ANO2: variants seen among roughly 807,000 people sequenced by gnomAD.
ANO2 encodes anoctamin-2.
A neutral mutation model predicts 124.2 loss-of-function variants in ANO2; 101 were observed. The ratio of observed to expected loss-of-function variants is 0.81; its 90% CI spans 0.69 to 0.96. The LOEUF is 0.96. Among genes scored for constraint, ANO2 ranks in the 40% least tolerant of loss-of-function variants. The probability of loss-of-function intolerance (pLI) is 0.00; values close to 1 mark genes in which losing one functional copy is unlikely to be tolerated. For synonymous variants in ANO2, 486 were observed against 482.5 expected (o/e 1.01, Z -0.09); for missense variants, 1,293 against 1,274.5 (o/e 1.01, Z -0.22).
intron 3 of ANO2, among the ~76,000 whole-genome samples, chr12:5,909,851 A>G (rs1264446884): frequency 6.6e-6 from 1 of 152,206 alleles, no homozygotes; most frequent in Non-Finnish European, 1.5e-5. Flanking sequence ...GCTTTGGGGA[A>G]TATGTTCAAG....
chr12:5,729,642 C>A (rs1291776379), intron 14 of ANO2, among the ~76,000 whole-genome samples: 1 of 151,252 alleles, frequency 6.6e-6, no homozygotes, highest in Non-Finnish European at 1.5e-5. Context: ...TATGACCCAG[C>A]AATTCTACTC....
At chr12:5,917,619 G>A (rs1035219360) in intron 3 of ANO2, among the ~76,000 whole-genome samples, 24 of 145,814 alleles carry the variant, frequency 1.6e-4, no homozygotes, top group African/African-American at 6.1e-4. Context: ...CCAGGCTGGA[G>A]TGTAGTGGTG....
At chr12:5,576,922 A>T (rs1161401330) in intron 22 of ANO2, among the ~76,000 whole-genome samples, 1 of 152,216 alleles carries the variant, frequency 6.6e-6, no homozygotes, top group Admixed American at 6.5e-5. Flanking sequence ...TCCTTTCATC[A>T]TGCCATTTAA....
intron 15 of ANO2, among the ~76,000 whole-genome samples, chr12:5,644,078 C>A (rs1470066707): frequency 6.6e-6 from 1 of 152,080 alleles, no homozygotes; most frequent in East Asian, 1.9e-4. Flanking sequence ...TTGTATCTTG[C>A]TCAAGAAATT....
At chr12:5,720,358 T>C (rs956927600) in intron 14 of ANO2, among the ~76,000 whole-genome samples, 6 of 152,222 alleles carry the variant, frequency 3.9e-5, no homozygotes, top group Non-Finnish European at 8.8e-5. Flanking sequence ...CACTTTTGAG[T>C]TTCTGGCACA....
At chr12:5,935,938 T>C (rs11063929) in intron 1 of ANO2, among the ~76,000 whole-genome samples, 14,840 of 152,212 alleles carry the variant, frequency 0.097, 1,158 homozygotes, top group African/African-American at 0.21. Flanking sequence ...CTTGAAATAT[T>C]AGAAGAAAGA....
intron 19 of ANO2, 91 bp from the exon 20 acceptor site, chr12:5,599,720 G>T: frequency 7.2e-7 from 1 of 1,398,084 alleles, no homozygotes; most frequent in South Asian, 1.3e-5. Context: ...CAAAAGTTTT[G>T]ACACTAAAGC....
intron 3 of ANO2, among the ~76,000 whole-genome samples, chr12:5,890,383 A>G (rs1199603273): frequency 1.3e-5 from 2 of 152,220 alleles, no homozygotes; most frequent in African/African-American, 2.4e-5. Flanking sequence ...AGCTCAGAGC[A>G]GAGGTTCACA....
At chr12:5,798,109 C>G (rs765492497) in intron 10 of ANO2, among the ~76,000 whole-genome samples, 1 of 152,070 alleles carries the variant, frequency 6.6e-6, no homozygotes, top group Non-Finnish European at 1.5e-5. Context: ...AAACAGGCGA[C>G]AGAGTGGGTG....
intron 2 of ANO2, 46 bp from the exon 3 acceptor site, chr12:5,921,412 G>T (rs2136303166): frequency 1.3e-6 from 2 of 1,571,066 alleles, no homozygotes; most frequent in Non-Finnish European, 8.7e-7. Flanking sequence ...GGTGAGTAAG[G>T]GGTGAGAAAC....
intron 19 of ANO2, among the ~76,000 whole-genome samples, chr12:5,607,535 C>T (rs1390960870): frequency 2.0e-5 from 3 of 152,024 alleles, no homozygotes; most frequent in Non-Finnish European, 4.4e-5. Context: ...GGCCAGGGAT[C>T]CCCAATCCCT....
chr12:5,941,878 A>G (rs11063946), intron 1 of ANO2, among the ~76,000 whole-genome samples: 51,667 of 152,044 alleles, frequency 0.34, 11,014 homozygotes, highest in East Asian at 0.79. Context: ...CTGGGGGTGG[A>G]AAAAAAGCTA....
chr12:5,704,456 C>G (rs1197847276), intron 14 of ANO2, among the ~76,000 whole-genome samples: 1 of 152,092 alleles, frequency 6.6e-6, no homozygotes, highest in Non-Finnish European at 1.5e-5. Flanking sequence ...TATAACAATC[C>G]TGTCATTGGA....
At chr12:5,649,620 G>A (rs1414924564) in intron 14 of ANO2, among the ~76,000 whole-genome samples, 2 of 151,856 alleles carry the variant, frequency 1.3e-5, no homozygotes, top group Non-Finnish European at 2.9e-5. Flanking sequence ...TTTTTGGGGG[G>A]TGGGGATGGA....
intron 14 of ANO2, among the ~76,000 whole-genome samples, chr12:5,650,015 G>A (rs911365045): frequency 6.6e-6 from 1 of 152,114 alleles, no homozygotes; most frequent in South Asian, 2.1e-4. Context: ...ATGGGCTGAC[G>A]AATGATAACA....
intron 14 of ANO2, among the ~76,000 whole-genome samples, chr12:5,653,911 C>T (rs953638853): frequency 6.6e-6 from 1 of 152,124 alleles, no homozygotes; most frequent in Non-Finnish European, 1.5e-5. Flanking sequence ...CCAGAGAAAG[C>T]ACCATATGCA....
chr12:5,594,129 G>C (rs1943542071), intron 20 of ANO2, among the ~76,000 whole-genome samples: 1 of 152,096 alleles, frequency 6.6e-6, no homozygotes, highest in African/African-American at 2.4e-5. Context: ...AGCCAATCCA[G>C]CTTGAAAAAC....
chr12:5,823,871 T>C (rs1953879639), intron 7 of ANO2, among the ~76,000 whole-genome samples: 1 of 152,124 alleles, frequency 6.6e-6, no homozygotes, highest in East Asian at 1.9e-4. Context: ...TAGGCAGAGG[T>C]TCCCAAACCT....
chr12:5,897,343 A>G (rs890203279), intron 3 of ANO2, among the ~76,000 whole-genome samples: 1 of 152,160 alleles, frequency 6.6e-6, no homozygotes, highest in African/African-American at 2.4e-5. Flanking sequence ...AAAAAAAGAA[A>G]AAAAAACTGC....
Sources: gnomAD v4.1 joint callset for allele counts (sites outside exome capture counted in the v4.1 genomes callset) on GRCh38, gnomAD v4.1.1 for gene constraint, MANE v1.5 for transcripts, NCBI Gene and HGNC (gene_info 2026-07-23, HGNC 2026-07-21) for gene names.